Variants in PARD3B observed in about 807,000 individuals in gnomAD.
The protein encoded by PARD3B is partitioning defective 3 homolog B.
Under a neutral mutation model 130.2 loss-of-function variants are expected in PARD3B, and 103 were observed. The observed-to-expected ratio is 0.79, with a 90% confidence interval of 0.67 to 0.93. The LOEUF (loss-of-function observed/expected upper bound fraction) is 0.93, where lower values mean the gene tolerates loss of function less well. Ranked by LOEUF, PARD3B falls within the 40% of genes least tolerant of loss-of-function variation. PARD3B has a pLI of 0.00. For synonymous variants in PARD3B, 583 were observed against 553.2 expected (o/e 1.05, Z -0.76); for missense variants, 1,609 against 1,499.2 (o/e 1.07, Z -1.21).
chr2:205,477,740 T>C (rs1204483211), intron 20 of PARD3B, among the ~76,000 whole-genome samples: 1 of 152,226 alleles, frequency 6.6e-6, no homozygotes, highest in Non-Finnish European at 1.5e-5. Context: ...ATCTTGCTTA[T>C]CGCCCTGAAT....
At chr2:205,119,524 G>A (rs550632271) in intron 7 of PARD3B, among the ~76,000 whole-genome samples, 4 of 152,226 alleles carry the variant, frequency 2.6e-5, no homozygotes, top group African/African-American at 9.6e-5. Flanking sequence ...GTTCATGCCT[G>A]TAATCCCAGC....
At chr2:205,348,032 G>T (rs2043857791) in intron 18 of PARD3B, 1 of 152,184 alleles carries the variant, frequency 6.6e-6, no homozygotes, top group African/African-American at 2.4e-5. Context: ...CCCGACCAAA[G>T]ATCCCCTGTT....
Position 205,440,324 on chromosome 2 carries a change from A to G in PARD3B, c.2742-46A>G, listed in dbSNP as rs532422824. On this transcript the variant is annotated intron_variant, in intron 19 of 22. Coordinates refer to ENST00000406610, the MANE Select transcript of PARD3B (RefSeq NM_001302769.2). This position sits in a 1 kb window ranked among gnomAD's most constrained non-coding sequence, Gnocchi z 4.2. ...CAAGAGAGTATTTCATTGTATTATTATATGAAACTCACATACATCTTTGCT... is the reference window on the plus strand; with the variant it reads ...CAAGAGAGTATTTCATTGTATTATTGTATGAAACTCACATACATCTTTGCT... 1 of 1,534,998 alleles carries G rather than the reference A, an allele frequency of 6.5e-7. No homozygotes were observed. Among genetic ancestry groups the G allele is most frequent in the South Asian group, 1.1e-5 (1 of 87,412 alleles).
intron 2 of PARD3B, among the ~76,000 whole-genome samples, chr2:204,964,257 C>G (rs11894192): frequency 6.6e-6 from 1 of 152,150 alleles, no homozygotes; most frequent in Non-Finnish European, 1.5e-5. Flanking sequence ...ATGAGAAACC[C>G]TTGAAGTTTC....
intron 2 of PARD3B, among the ~76,000 whole-genome samples, chr2:204,788,167 A>G (rs575948194): frequency 4.9e-4 from 74 of 152,362 alleles, no homozygotes; most frequent in African/African-American, 1.6e-3. Context: ...AGTAGAATAC[A>G]TATAGTTTAA....
chr2:205,169,514 G>C (rs141718422), intron 11 of PARD3B, among the ~76,000 whole-genome samples: 1 of 152,140 alleles, frequency 6.6e-6, no homozygotes, highest in African/African-American at 2.4e-5. Context: ...TCACTCTGAC[G>C]TTGTCTCATA....
At chr2:205,194,750 A>C (rs1382531248) in intron 15 of PARD3B, among the ~76,000 whole-genome samples, 1 of 151,994 alleles carries the variant, frequency 6.6e-6, no homozygotes, top group African/African-American at 2.4e-5. Context: ...CATGTGCAGA[A>C]TCAATATTTT....
intron 2 of PARD3B, among the ~76,000 whole-genome samples, chr2:204,841,495 C>A (rs889408518): frequency 6.6e-6 from 1 of 151,772 alleles, no homozygotes; most frequent in Admixed American, 6.5e-5. Flanking sequence ...GTTACAAGTG[C>A]AACAAGTAGC....
intron 15 of PARD3B, among the ~76,000 whole-genome samples, chr2:205,232,327 C>G (rs1390823591): frequency 6.6e-6 from 1 of 152,118 alleles, no homozygotes; most frequent in Non-Finnish European, 1.5e-5. Flanking sequence ...GTGGCACACA[C>G]TGTAGTCCTA....
At chr2:205,013,652 T>A (rs1695897663) in intron 3 of PARD3B, among the ~76,000 whole-genome samples, 1 of 152,156 alleles carries the variant, frequency 6.6e-6, no homozygotes, top group Non-Finnish European at 1.5e-5. Context: ...CAGAAATACA[T>A]AGGAACAGAA....
chr2:204,961,994 G>A (rs72940487), intron 2 of PARD3B, among the ~76,000 whole-genome samples: 18,068 of 152,074 alleles, frequency 0.12, 1,525 homozygotes, highest in South Asian at 0.38. Flanking sequence ...CAAAAAATGG[G>A]GTGGGACCTG....
At chr2:205,279,112 C>T (rs190946552) in intron 16 of PARD3B, among the ~76,000 whole-genome samples, 234 of 140,408 alleles carry the variant, frequency 1.7e-3, no homozygotes, top group Non-Finnish European at 3.0e-3. Context: ...GTTCATTGCC[C>T]AATCTCTTTA....
At chr2:205,561,304 A>G (rs990342145) in intron 22 of PARD3B, among the ~76,000 whole-genome samples, 1 of 152,160 alleles carries the variant, frequency 6.6e-6, no homozygotes, top group African/African-American at 2.4e-5. Flanking sequence ...AGTTCTGCAG[A>G]TTTCCAGCAA....
chr2:204,996,277 G>A (rs1331457029), intron 3 of PARD3B, among the ~76,000 whole-genome samples: 2 of 149,920 alleles, frequency 1.3e-5, no homozygotes, highest in Non-Finnish European at 3.0e-5. Flanking sequence ...TGTCCTTTCT[G>A]GTTGTTAGTT....
At chr2:204,693,466 T>G (rs980744898) in intron 2 of PARD3B, among the ~76,000 whole-genome samples, 3 of 152,038 alleles carry the variant, frequency 2.0e-5, no homozygotes, top group Admixed American at 2.0e-4. Flanking sequence ...TGCCTTAGTT[T>G]CATCATGGAT....
chr2:205,376,212 C>T lies in PARD3B; in HGVS notation c.2631-24801C>T, dbSNP rs556197067. 2.0e-5 allele frequency among the ~76,000 whole-genome samples: 3 copies of T among 152,208 alleles called. No homozygotes were observed. In the East Asian group the frequency reaches 5.8e-4, roughly 29 times the overall value. On this transcript the variant is annotated intron_variant, in intron 18 of 22. Coordinates refer to ENST00000406610, the MANE Select transcript of PARD3B (RefSeq NM_001302769.2). ...AACAGGTTTGGAGGACTGAGAAACA[C>T]GAGGCCACCAGATAGATAATAAGAA...
At chr2:204,716,616 G>A (rs898033676) in intron 2 of PARD3B, among the ~76,000 whole-genome samples, 2 of 121,206 alleles carry the variant, frequency 1.7e-5, no homozygotes, top group South Asian at 7.0e-4. Context: ...GGCAAAAACA[G>A]CAACTGCTTT....
intron 2 of PARD3B, among the ~76,000 whole-genome samples, chr2:204,927,651 TC>T (rs1292155077): frequency 1.3e-5 from 2 of 152,080 alleles, no homozygotes; most frequent in Non-Finnish European, 2.9e-5. Context: ...GATACAGGAA[TC>T]CATTCTATTA....
chr2:204,736,791 C>T (rs902344407), intron 2 of PARD3B, among the ~76,000 whole-genome samples: 5 of 152,154 alleles, frequency 3.3e-5, no homozygotes, highest in Admixed American at 3.3e-4. Context: ...TGGGTAGATA[C>T]TCAATAGTAG....
Sources: allele counts gnomAD v4.1 joint callset (sites outside exome capture counted in the v4.1 genomes callset), GRCh38; gene constraint gnomAD v4.1.1; non-coding constraint Gnocchi (gnomAD v3.1); transcripts MANE v1.5; gene names NCBI Gene and HGNC (gene_info 2026-07-23, HGNC 2026-07-21).